Variants in MORN1 observed in about 807,000 individuals in gnomAD.
The protein encoded by MORN1 is MORN repeat containing 1.
Under a neutral mutation model 61.9 loss-of-function variants are expected in MORN1, and 67 were observed. The observed-to-expected ratio is 1.08, with a 90% CI of 0.89 to 1.33. The LOEUF (loss-of-function observed/expected upper bound fraction) is 1.33. Among genes scored for constraint, MORN1 ranks in the 40% most tolerant of loss-of-function variants. MORN1 has a pLI of 0.00. For synonymous variants in MORN1, 301 were observed against 292.0 expected (o/e 1.03, Z -0.31); for missense variants, 752 against 691.2 (o/e 1.09, Z -0.99).
At chr1:2,388,483 T>A in intron 2 of MORN1, 146 bp from the exon 3 acceptor site, 1 of 594,044 alleles carries the variant, frequency 1.7e-6, no homozygotes, top group Non-Finnish European at 2.9e-6. Context: ...TACATGTATT[T>A]AAAAATAAAA....
At chr1:2,383,099 T>G (rs898823259) in intron 6 of MORN1, among the ~76,000 whole-genome samples, 7 of 152,104 alleles carry the variant, frequency 4.6e-5, no homozygotes, top group South Asian at 2.1e-4. Context: ...CCATGCCAAC[T>G]GCCAACCCAT....
At chr1:2,374,712 T>A in intron 6 of MORN1, 155 bp from the exon 7 acceptor site, 1 of 608,680 alleles carries the variant, frequency 1.6e-6, no homozygotes, top group Admixed American at 2.9e-5. Context: ...AGCCTGTCCC[T>A]CGGTGGTGAG....
chr1:2,382,038 G>C (rs993852254), intron 6 of MORN1, among the ~76,000 whole-genome samples: 3 of 152,180 alleles, frequency 2.0e-5, no homozygotes, highest in African/African-American at 7.2e-5. Context: ...GTGTGGACCC[G>C]AGTTGGCGCC....
intron 10 of MORN1, among the ~76,000 whole-genome samples, chr1:2,340,068 C>T (rs976808988): frequency 1.3e-5 from 2 of 152,212 alleles, no homozygotes; most frequent in African/African-American, 4.8e-5. Flanking sequence ...CTGGCCTGAG[C>T]CCCCACTTGT....
In MORN1 at chr1:2,388,216, G is replaced by A. The variant is rs761987400; in HGVS notation, c.247+23C>T. On this transcript the variant is annotated intron_variant, in intron 3 of 13. Transcript: ENST00000378531. ...GATGGGTTATGAGAAAGGAGTGAAT[G>A]TGCCATCCCAGCTAGAGCTCACCTG... is the stretch of plus-strand genomic sequence containing the variant. The A allele has an allele frequency of 2.5e-5, 40 of 1,588,154 alleles. 1 individual carries two copies. In the Admixed American group the frequency reaches 6.3e-4, roughly 25 times the overall value.
At chr1:2,352,075 CTCAG>C (rs910635112) in intron 10 of MORN1, 13 of 520,782 alleles carry the variant, frequency 2.5e-5, no homozygotes, top group Non-Finnish European at 4.0e-5. Flanking sequence ...GTTGATCCAT[CTCAG>C]TCACTTTTTC....
At chr1:2,356,704 C>CA (rs1157941969) in intron 10 of MORN1, among the ~76,000 whole-genome samples, 3 of 152,228 alleles carry the variant, frequency 2.0e-5, no homozygotes, top group Non-Finnish European at 4.4e-5. Flanking sequence ...CTCAGTCCGG[C>CA]ACTGAGACGC....
At position 2,337,016 on chromosome 1, in the gene MORN1, C is replaced by T. The variant is rs1277147188; in HGVS notation, c.1037-166G>A. 6.6e-6 allele frequency among the ~76,000 whole-genome samples: 1 copy of T among 152,136 alleles called. No homozygotes were observed. Among genetic ancestry groups the T allele is most frequent in the East Asian group, 1.9e-4 (1 of 5,186 alleles). On this transcript the variant is annotated intron_variant, in intron 10 of 13. Transcript: ENST00000378531. The surrounding 1 kb of genome is among the most constrained non-coding windows in gnomAD (Gnocchi z 5.7). Reference sequence around the variant, plus strand: ...GGTCAGGGGGCAGGGACTGTCCATCCTGGGTGCTCCCTCCGGCCGCCGACA... The same window carrying T: ...GGTCAGGGGGCAGGGACTGTCCATCTTGGGTGCTCCCTCCGGCCGCCGACA...
intron 8 of MORN1, among the ~76,000 whole-genome samples, chr1:2,368,365 ATTTATACCCAC>A (rs1166261024): frequency 2.6e-5 from 4 of 152,222 alleles, no homozygotes; most frequent in African/African-American, 9.6e-5. Context: ...TCGCAGTCAT[ATTTATACCCAC>A]TTTTAACTGC....
chr1:2,372,250 A>G lies in MORN1; in HGVS notation c.745+231T>C. The G allele has an allele frequency of 2.0e-6, 1 of 509,482 alleles. No individual in the cohort carries two copies. Among genetic ancestry groups the G allele is most frequent in the South Asian group, 2.0e-5 (1 of 49,144 alleles). 31.6% of individuals were successfully genotyped at this position (509,482 alleles called of 1,614,324 possible). ...ACACACATATGCACACACATACAGG[A>G]GCACGCACATCACACAATATGTGCA... On this transcript the variant is annotated intron_variant, in intron 8 of 13. Transcript: ENST00000378531. The surrounding 1 kb of genome is among the most constrained non-coding windows in gnomAD (Gnocchi z 5.4).
chr1:2,355,486 G>A (rs775026205), intron 10 of MORN1: 2 of 1,550,062 alleles, frequency 1.3e-6, no homozygotes, highest in Middle Eastern at 1.7e-4. Flanking sequence ...GACCCCCGAG[G>A]CTCTGAGGCT....
intron 13 of MORN1, chr1:2,322,021 G>T: frequency 2.0e-6 from 2 of 985,042 alleles, no homozygotes; most frequent in Non-Finnish European, 2.4e-6. Flanking sequence ...TAAAAATAAC[G>T]AACCCTCTGA....
At chr1:2,323,539 TTGG>T in intron 13 of MORN1, 1 of 985,310 alleles carries the variant, frequency 1.0e-6, no homozygotes, top group South Asian at 4.7e-5. Flanking sequence ...CCCCTCTGGC[TTGG>T]TGGGGGGGTG....
At chr1:2,325,626 C>T (rs910657001) in intron 12 of MORN1, among the ~76,000 whole-genome samples, 1 of 148,316 alleles carries the variant, frequency 6.7e-6, no homozygotes, top group Non-Finnish European at 1.5e-5. Flanking sequence ...GGGATCACTG[C>T]ACCTGGCCTT....
Position 2,357,514 on chromosome 1 carries a change from G to C in MORN1, c.954C>G (p.Ala318=). The C allele has an allele frequency of 6.2e-7, 1 of 1,612,790 alleles. No homozygotes were observed. Among genetic ancestry groups the C allele is most frequent in the Non-Finnish European group, 8.5e-7 (1 of 1,179,680 alleles). The change falls in exon 10 of 14, where the codon GCC becomes GCG. Residue 318 remains alanine, a synonymous_variant. Coordinates refer to ENST00000378531, the MANE Select transcript of MORN1 (RefSeq NM_024848.3). The surrounding 1 kb of genome is among the most constrained non-coding windows in gnomAD (Gnocchi z 6.3). The part of the protein sequence containing the change: ...GPRAAKGGAE[A]DVPLPRGDLE... ...GGTCTCCCCTGGGCAGGGGCACGTC[G>C]GCTTCTGCCCCTCCCTTGGCAGCTC...
Position 2,336,452 on chromosome 1 carries a change from G to C in MORN1, c.1250+17C>G, listed in dbSNP as rs576285457. ...CTGACCCTCCGAACACCTGCAGGTGGGGTGGGCTCATCCTACCTGCTGCCT... is the reference window on the plus strand; with the variant it reads ...CTGACCCTCCGAACACCTGCAGGTGCGGTGGGCTCATCCTACCTGCTGCCT... On this transcript the variant is annotated intron_variant, in intron 12 of 13. Transcript: ENST00000378531. The C allele has an allele frequency of 6.2e-7, 1 of 1,608,744 alleles. No homozygotes were observed.
rs759063296 is a variant in MORN1 at position 2,336,806 on chromosome 1, C to G, written c.1081G>C (p.Glu361Gln). 6.2e-7 allele frequency: 1 copy of G among 1,600,946 alleles called. No homozygotes were observed. Among genetic ancestry groups the G allele is most frequent in the Non-Finnish European group, 8.5e-7 (1 of 1,174,736 alleles). The stretch of plus-strand genomic sequence containing the variant: ...TCTGTGAACTCGGCACAGCCCTGCT[C>G]CACTCGCTGACAGGCCCCGGGACAA... Reference protein sequence around the residue: ...PHCPGACQRVEQGCAEFTDVL... With the variant: ...PHCPGACQRVQQGCAEFTDVL... Residue 361 changes from glutamate to glutamine, a missense_variant, in exon 11 of 14, where the codon GAG becomes CAG. Physicochemically the swap from Glu to Gln is conservative, Grantham distance 29 (BLOSUM62 2). Transcript: ENST00000378531.
At chr1:2,386,118 T>C (rs928162515) in intron 4 of MORN1, 5 of 562,384 alleles carry the variant, frequency 8.9e-6, no homozygotes, top group Non-Finnish European at 1.6e-5. Context: ...CAGATGTGCT[T>C]TGGGACAGGT....
intron 6 of MORN1, chr1:2,378,858 G>A (rs1642306403): frequency 4.5e-6 from 2 of 446,352 alleles, no homozygotes; most frequent in African/African-American, 2.0e-5. Flanking sequence ...GCTGGTGGGG[G>A]TGCTCGTGGC....
Sources: gnomAD v4.1 joint callset for allele counts (sites outside exome capture counted in the v4.1 genomes callset) on GRCh38, gnomAD v4.1.1 for gene constraint, Gnocchi (gnomAD v3.1) non-coding constraint, MANE v1.5 for transcripts, NCBI Gene and HGNC (gene_info 2026-07-23, HGNC 2026-07-21) for gene names.